Variants in DCC observed in about 807,000 individuals in gnomAD.
DCC encodes DCC netrin 1 receptor, also known as netrin receptor DCC.
Under a neutral mutation model 172.5 loss-of-function variants are expected in DCC, and 58 were observed. That is an observed-to-expected ratio of 0.34 (90% CI 0.27 to 0.42). The LOEUF (loss-of-function observed/expected upper bound fraction) is 0.42. DCC is among the 10% of genes least tolerant of loss of function. DCC has a pLI of 1.00. For missense variants in DCC, 1,740 were observed against 1,791.0 expected, an observed-to-expected ratio of 0.97 and a Z score of 0.51; for synonymous variants, 709 against 644.5, an observed-to-expected ratio of 1.10 and a Z score of -1.52.
At chr18:53,310,104 C>T (rs897303637) in intron 13 of DCC, among the ~76,000 whole-genome samples, 2 of 151,670 alleles carry the variant, frequency 1.3e-5, no homozygotes, top group Admixed American at 6.6e-5. Flanking sequence ...GACTGGGCTA[C>T]AGAAACACCT....
At chr18:52,626,928 C>T (rs2034584233) in intron 1 of DCC, among the ~76,000 whole-genome samples, 1 of 152,026 alleles carries the variant, frequency 6.6e-6, no homozygotes, top group Non-Finnish European at 1.5e-5. Flanking sequence ...TGGAGGGTTC[C>T]TTGGTATCAT....
intron 8 of DCC, among the ~76,000 whole-genome samples, chr18:53,171,823 A>G (rs2055018072): frequency 6.6e-6 from 1 of 151,914 alleles, no homozygotes; most frequent in African/African-American, 2.4e-5. Flanking sequence ...CCAAAATGAA[A>G]TACCATTCCA....
intron 27 of DCC, among the ~76,000 whole-genome samples, chr18:53,514,883 A>G (rs377264121): frequency 0.012 from 1,742 of 150,704 alleles, 35 homozygotes; most frequent in African/African-American, 0.04. Context: ...AGGAGGAACT[A>G]GTACCATTCC....
chr18:52,542,132 G>T (rs1598900198), intron 1 of DCC, among the ~76,000 whole-genome samples: 2 of 150,620 alleles, frequency 1.3e-5, no homozygotes, highest in African/African-American at 2.4e-5. Flanking sequence ...TATTCAATTA[G>T]CTCCTGAAGT....
chr18:53,393,133 G>A (rs995499669), intron 17 of DCC, among the ~76,000 whole-genome samples: 7 of 133,770 alleles, frequency 5.2e-5, no homozygotes, highest in Admixed American at 7.8e-5. Context: ...AGTGATTTTG[G>A]GGGGATGAAA....
At chr18:53,213,897 A>AAAAT (rs55638820) in intron 11 of DCC, among the ~76,000 whole-genome samples, 83,426 of 150,818 alleles carry the variant, frequency 0.55, 24,408 homozygotes, top group African/African-American at 0.71. Context: ...CTTTAACTTA[A>AAAAT]AAATTTACAA....
chr18:53,483,170 G>A (rs1036497289), intron 25 of DCC, among the ~76,000 whole-genome samples: 1 of 151,828 alleles, frequency 6.6e-6, no homozygotes, highest in Non-Finnish European at 1.5e-5. Context: ...TTGAATCTCT[G>A]ATTCTTTTTA....
chr18:53,338,097 C>T (rs1489024983), intron 14 of DCC, among the ~76,000 whole-genome samples: 2 of 152,134 alleles, frequency 1.3e-5, no homozygotes, highest in Admixed American at 6.6e-5. Flanking sequence ...ATAATACTTC[C>T]CTGATTTTCA....
intron 1 of DCC, among the ~76,000 whole-genome samples, chr18:52,367,167 C>T (rs1598866449): frequency 6.6e-6 from 1 of 152,200 alleles, no homozygotes; most frequent in Admixed American, 6.5e-5. Context: ...CCTCATTGCC[C>T]GGGGCCAGCA....
chr18:53,496,467 AG>A (rs1196913492), intron 26 of DCC, among the ~76,000 whole-genome samples: 3 of 3,558 alleles, frequency 8.4e-4, no homozygotes, highest in East Asian at 4.3e-3. Flanking sequence ...CCAACATCAA[AG>A]AAAGACCAAA....
chr18:53,244,576 C>G (rs1479693325), intron 12 of DCC, among the ~76,000 whole-genome samples: 1 of 152,110 alleles, frequency 6.6e-6, no homozygotes, highest in East Asian at 1.9e-4. Flanking sequence ...TACAAGATGA[C>G]TTACTTGCAT....
intron 24 of DCC, among the ~76,000 whole-genome samples, chr18:53,460,916 A>G (rs994571601): frequency 6.6e-6 from 1 of 151,998 alleles, no homozygotes. Context: ...AAGTGTTCCT[A>G]TTTCTCCACA....
intron 11 of DCC, among the ~76,000 whole-genome samples, chr18:53,209,473 T>A (rs537485891): frequency 2.0e-5 from 3 of 152,198 alleles, no homozygotes; most frequent in Non-Finnish European, 4.4e-5. Context: ...CTTTAGCTTG[T>A]GATTTCTTGA....
intron 15 of DCC, 140 bp downstream of exon 15, chr18:53,340,047 TACACACACACAC>T (rs151131015): frequency 1.0e-5 from 6 of 592,152 alleles, no homozygotes; most frequent in Non-Finnish European, 1.5e-5. Flanking sequence ...ACTGTCTATC[TACACACACACAC>T]ACACACACAC....
Position 52,497,260 on chromosome 18 carries a change from C to CAAAAAAAAA in DCC, c.91+156395_91+156403dup, listed in dbSNP as rs111476286. Among the ~76,000 whole-genome samples, 32 of 53,934 alleles carry CAAAAAAAAA rather than the reference C, an allele frequency of 5.9e-4. 3 individuals are homozygous for CAAAAAAAAA. The highest frequency in any genetic ancestry group is 1.1e-3 in the Admixed American group (4 of 3,680). The allele number at this position is 53,934 out of a possible 152,430, so 35.4% of individuals were successfully genotyped here. ...TGGGTAACAGAGTGAGACCCTGTAT[C>CAAAAAAAAA]AAAAAAAAAAAAAAAAAAAAATATA... On this transcript the variant is annotated intron_variant, in intron 1 of 28. Transcript: ENST00000442544.
chr18:52,633,891 G>A (rs2034722775), intron 1 of DCC, among the ~76,000 whole-genome samples: 1 of 152,246 alleles, frequency 6.6e-6, no homozygotes, highest in South Asian at 2.1e-4. Flanking sequence ...AGAGAGTGCT[G>A]TAACGCTAGC....
intron 2 of DCC, among the ~76,000 whole-genome samples, chr18:52,807,630 C>T (rs942323805): frequency 6.6e-6 from 1 of 152,214 alleles, no homozygotes; most frequent in East Asian, 1.9e-4. Context: ...CTTTTCATTA[C>T]ATATCAGTCT....
intron 1 of DCC, among the ~76,000 whole-genome samples, chr18:52,438,981 G>T (rs1001436596): frequency 1.2e-4 from 18 of 152,100 alleles, no homozygotes; most frequent in African/African-American, 4.1e-4. Flanking sequence ...CAAACACTTT[G>T]CCTCTTCTTT....
intron 5 of DCC, among the ~76,000 whole-genome samples, chr18:53,028,639 T>G (rs1354213202): frequency 6.6e-6 from 1 of 152,142 alleles, no homozygotes; most frequent in Non-Finnish European, 1.5e-5. Flanking sequence ...AATTGACTGT[T>G]TAAACATTTC....
Sources: allele counts gnomAD v4.1 joint callset (sites outside exome capture counted in the v4.1 genomes callset), GRCh38; gene constraint gnomAD v4.1.1; transcripts MANE v1.5; gene names NCBI Gene and HGNC (gene_info 2026-07-23, HGNC 2026-07-21).